The following RPH3AL variants were observed in gnomAD, a reference collection of about 807,000 sequenced individuals.
The protein encoded by RPH3AL is rabphilin 3A like (without C2 domains).
In RPH3AL, 38 loss-of-function variants were observed where a neutral mutation model predicts 43.1. The ratio of observed to expected loss-of-function variants is 0.88; its 90% CI spans 0.68 to 1.15. RPH3AL has a LOEUF of 1.15. Ranked by LOEUF, RPH3AL falls within the 50% of genes most tolerant of loss-of-function variation. RPH3AL has a pLI of 0.00. For missense variants in RPH3AL, 462 were observed against 423.2 expected (o/e 1.09, Z -0.81); for synonymous variants, 189 against 176.3 (o/e 1.07, Z -0.57).
intron 5 of RPH3AL, among the ~76,000 whole-genome samples, chr17:315,201 C>T (rs1555519347): frequency 7.5e-6 from 1 of 133,496 alleles, no homozygotes; most frequent in Non-Finnish European, 1.6e-5. Context: ...TGTGCTCCAC[C>T]TCCATTCACC....
intron 1 of RPH3AL, among the ~76,000 whole-genome samples, chr17:342,895 C>T (rs767027981): frequency 6.6e-6 from 1 of 152,176 alleles, no homozygotes; most frequent in African/African-American, 2.4e-5. Flanking sequence ...AGACATGATG[C>T]TAATCTGGGT....
intron 7 of RPH3AL, among the ~76,000 whole-genome samples, chr17:243,901 T>A (rs868007215): frequency 3.7e-4 from 56 of 149,782 alleles, no homozygotes; most frequent in African/African-American, 1.3e-3. Context: ...CTTCCTCTAT[T>A]ACCTTCCTCT....
chr17:263,473 G>C (rs6565702), intron 6 of RPH3AL, among the ~76,000 whole-genome samples: 90,999 of 152,082 alleles, frequency 0.6, 27,869 homozygotes, highest in Non-Finnish European at 0.64. Flanking sequence ...GGGTGACGCG[G>C]TGGCAAGGAG....
intron 6 of RPH3AL, among the ~76,000 whole-genome samples, chr17:247,968 C>T (rs373723879): frequency 8.6e-4 from 130 of 151,120 alleles, no homozygotes; most frequent in African/African-American, 2.9e-3. Flanking sequence ...GAGGGCTGCA[C>T]GGGACAGACT....
chr17:343,593 T>A (rs78699182), intron 1 of RPH3AL, among the ~76,000 whole-genome samples: 4,020 of 152,326 alleles, frequency 0.026, 156 homozygotes, highest in African/African-American at 0.091. Context: ...GTGCATCATC[T>A]ATAAATGAGT....
chr17:232,830 G>C (rs1460038437), intron 7 of RPH3AL, among the ~76,000 whole-genome samples: 92 of 1,248 alleles, frequency 0.074, 1 homozygote, highest in South Asian at 0.46. Context: ...CCTTTCCGGC[G>C]TGTGTGTGTG....
chr17:239,946 A>G (rs914984602), intron 7 of RPH3AL, among the ~76,000 whole-genome samples: 7 of 152,212 alleles, frequency 4.6e-5, no homozygotes, highest in Non-Finnish European at 7.3e-5. Flanking sequence ...GCTATTAGAA[A>G]GAGTTTTTTG....
intron 5 of RPH3AL, among the ~76,000 whole-genome samples, chr17:316,999 C>G (rs538794532): frequency 6.6e-6 from 1 of 151,228 alleles, no homozygotes; most frequent in Non-Finnish European, 1.5e-5. Context: ...TGTGACCCCA[C>G]CTCCATTGAC....
rs749477878 is a variant in RPH3AL at position 290,536 on chromosome 17, C to T, written c.352-8682G>A. ...TCCTCAATGTCCTTCTTATCCAGGG[C>T]CACTTCAGTGACATTTCTGCTTCCT... On this transcript the variant is annotated intron_variant, in intron 5 of 9. Transcript: ENST00000331302. The surrounding 1 kb of genome is among the most constrained non-coding windows in gnomAD (Gnocchi z 4.2). Among the ~76,000 whole-genome samples, 20 of 152,196 alleles carry T rather than the reference C, an allele frequency of 1.3e-4. No individual in the cohort carries two copies. Among genetic ancestry groups the T allele is most frequent in the Non-Finnish European group, 2.5e-4 (17 of 68,032 alleles).
chr17:314,844 T>C (rs866119511), intron 5 of RPH3AL, among the ~76,000 whole-genome samples: 141 of 143,352 alleles, frequency 9.8e-4, no homozygotes, highest in African/African-American at 2.1e-3. Flanking sequence ...TCCACCTCCA[T>C]TGACCTGTAG....
chr17:240,929 C>T (rs969320322), intron 7 of RPH3AL, among the ~76,000 whole-genome samples: 9 of 151,738 alleles, frequency 5.9e-5, no homozygotes, highest in East Asian at 1.9e-4. Flanking sequence ...GTGTAGCGGG[C>T]GCCTGTAGTC....
rs909802262 is a variant in RPH3AL, at chr17:322,716, T to C, written c.78-1301A>G. 6.6e-6 allele frequency among the ~76,000 whole-genome samples: 1 copy of C among 151,714 alleles called. No individual in the cohort carries two copies. The highest frequency in any genetic ancestry group is 1.5e-5 in the Non-Finnish European group (1 of 67,940). ...GGCGGACCCTTTCCTGGGGGCCCCCTGACACAAGATGGGCCCCGGTGGTCT... is the reference window on the plus strand; with the variant it reads ...GGCGGACCCTTTCCTGGGGGCCCCCCGACACAAGATGGGCCCCGGTGGTCT... On this transcript the variant is annotated intron_variant, in intron 3 of 9. Coordinates refer to ENST00000331302, the MANE Select transcript of RPH3AL (RefSeq NM_006987.4). This position sits in a 1 kb window ranked among gnomAD's most constrained non-coding sequence, Gnocchi z 4.0.
chr17:249,474 A>T (rs782192557), intron 6 of RPH3AL, among the ~76,000 whole-genome samples: 1 of 151,994 alleles, frequency 6.6e-6, no homozygotes, highest in Non-Finnish European at 1.5e-5. Context: ...CTCTCCACAG[A>T]GGAGAGGCCC....
At chr17:296,173 A>G (rs1418585762) in intron 5 of RPH3AL, among the ~76,000 whole-genome samples, 9 of 78,780 alleles carry the variant, frequency 1.1e-4, no homozygotes, top group Non-Finnish European at 1.5e-4. Context: ...TGCAGACATG[A>G]ACGGGCAGAG....
chr17:249,184 G>A (rs548533397), intron 6 of RPH3AL, among the ~76,000 whole-genome samples: 1 of 152,224 alleles, frequency 6.6e-6, no homozygotes, highest in East Asian at 1.9e-4. Flanking sequence ...ATTTAGTCAG[G>A]AGGGGTGGGA....
At chr17:325,449 AG>A (rs2044597455) in intron 3 of RPH3AL, among the ~76,000 whole-genome samples, 1 of 152,074 alleles carries the variant, frequency 6.6e-6, no homozygotes, top group East Asian at 1.9e-4. Context: ...ACCTCCGGCC[AG>A]GGCCTCCACA....
Position 274,069 on chromosome 17 carries a change from T to A in RPH3AL, c.438+7699A>T, listed in dbSNP as rs915089259. On this transcript the variant is annotated intron_variant, in intron 6 of 9. Coordinates refer to ENST00000331302, the MANE Select transcript of RPH3AL (RefSeq NM_006987.4). This position sits in a 1 kb window ranked among gnomAD's most constrained non-coding sequence, Gnocchi z 4.7. ...TGATTACAGCATCACTTTGAGTGAG[T>A]CATTCTTCGTTTTCGTTTAGTGGAT... Among the ~76,000 whole-genome samples the A allele has an allele frequency of 6.6e-6, 1 of 152,148 alleles. No individual in the cohort carries two copies. The highest frequency in any genetic ancestry group is 2.4e-5 in the African/African-American group (1 of 41,408).
rs1404255428 is a variant in RPH3AL, at chr17:215,561, G to A, written c.876+93C>T. 5.3e-6 allele frequency: 6 copies of A among 1,139,586 alleles called. 1 individual carries two copies. Among genetic ancestry groups the A allele is most frequent in the Admixed American group, 8.4e-5 (2 of 23,806 alleles). 70.6% of individuals were successfully genotyped at this position (1,139,586 alleles called of 1,614,324 possible). A position where few individuals can be genotyped will look rare whatever the true frequency, so the allele number is the denominator to read the frequency against. ...GTAAACAACATGCAGAATTGAAAAC[G>A]TCACCGACCAGTCTCCAGTTTGGGA... On this transcript the variant is annotated intron_variant, in intron 9 of 9. Coordinates refer to ENST00000331302, the MANE Select transcript of RPH3AL (RefSeq NM_006987.4). The surrounding 1 kb of genome is among the most constrained non-coding windows in gnomAD (Gnocchi z 4.1).
chr17:281,802 A>AG lies in RPH3AL; in HGVS notation c.403dup (p.Leu135ProfsTer5), dbSNP rs776072254. On this transcript the variant is annotated frameshift_variant, in exon 6 of 10. Coordinates refer to ENST00000331302, the MANE Select transcript of RPH3AL (RefSeq NM_006987.4). LOFTEE classifies it high-confidence loss of function. Reference sequence around the variant, plus strand: ...CTCACTGCAGATCTTACACAGCCACAGGGGCCGCTTCTGGCCAGGGGAGGC... The same window carrying AG: ...CTCACTGCAGATCTTACACAGCCACAGGGGGCCGCTTCTGGCCAGGGGAGGC... 6 of 1,614,102 alleles carry AG rather than the reference A, an allele frequency of 3.7e-6. No individual in the cohort carries two copies. Among genetic ancestry groups the AG allele is most frequent in the Middle Eastern group, 1.7e-4 (1 of 6,038 alleles).
Sources: allele counts gnomAD v4.1 joint callset (sites outside exome capture counted in the v4.1 genomes callset), GRCh38; gene constraint gnomAD v4.1.1; non-coding constraint Gnocchi (gnomAD v3.1); transcripts MANE v1.5; gene names NCBI Gene and HGNC (gene_info 2026-07-23, HGNC 2026-07-21).